The following PTPRN2 variants were observed in gnomAD, a reference collection of about 807,000 sequenced individuals.
PTPRN2 encodes the protein receptor-type tyrosine-protein phosphatase N2.
A neutral mutation model predicts 118.8 loss-of-function variants in PTPRN2; 74 were observed. The observed-to-expected ratio is 0.62, with a 90% CI of 0.52 to 0.76. The LOEUF (loss-of-function observed/expected upper bound fraction) is 0.76. Among genes scored for constraint, PTPRN2 ranks in the 30% least tolerant of loss-of-function variants. The probability of loss-of-function intolerance (pLI) is 0.00; values close to 1 mark genes in which losing one functional copy is unlikely to be tolerated. For synonymous variants in PTPRN2, 641 were observed against 608.0 expected (o/e 1.05, Z -0.80); for missense variants, 1,481 against 1,394.4 (o/e 1.06, Z -0.99).
In PTPRN2 at chr7:158,522,698, C is replaced by T. The variant is rs936508427; in HGVS notation, c.113-32913G>A. ...GAGGGCATCAGCATGGTCTGGAGTC[C>T]GTGAGGCACTCGGACCACCGGAGCC... On this transcript the variant is annotated intron_variant, in intron 1 of 22. Coordinates refer to ENST00000389418, the MANE Select transcript of PTPRN2 (RefSeq NM_002847.5). Among the ~76,000 whole-genome samples the T allele has an allele frequency of 3.9e-5, 6 of 152,114 alleles. No individual in the cohort carries two copies. In the East Asian group the frequency reaches 5.8e-4, roughly 15 times the overall value.
At chr7:157,717,710 C>T (rs914724507) in intron 12 of PTPRN2, among the ~76,000 whole-genome samples, 1 of 152,270 alleles carries the variant, frequency 6.6e-6, no homozygotes, top group East Asian at 1.9e-4. Flanking sequence ...GCTGCAGGAC[C>T]GCTGGCTGGG....
chr7:157,839,772 T>G (rs1050808378), intron 12 of PTPRN2, among the ~76,000 whole-genome samples: 1 of 151,672 alleles, frequency 6.6e-6, no homozygotes, highest in African/African-American at 2.4e-5. Context: ...TGCGTGACTA[T>G]GTAACCATGT....
intron 11 of PTPRN2, among the ~76,000 whole-genome samples, chr7:158,001,624 A>G (rs998780599): frequency 6.6e-6 from 1 of 152,104 alleles, no homozygotes; most frequent in Non-Finnish European, 1.5e-5. Flanking sequence ...CAGGCAGTGT[A>G]GTAGATGGTA....
At chr7:158,166,875 AG>A in intron 6 of PTPRN2, 55 bp downstream of exon 6, 1 of 1,399,972 alleles carries the variant, frequency 7.1e-7, no homozygotes. Flanking sequence ...TGTCACTGGG[AG>A]GGGCTGGACA....
chr7:158,269,102 C>T (rs1239220496), intron 3 of PTPRN2, among the ~76,000 whole-genome samples: 1 of 152,150 alleles, frequency 6.6e-6, no homozygotes, highest in Non-Finnish European at 1.5e-5. Flanking sequence ...GCTCCAAGGC[C>T]CCTCAGGAGT....
intron 2 of PTPRN2, among the ~76,000 whole-genome samples, chr7:158,430,682 C>T (rs1034234181): frequency 5.9e-5 from 9 of 152,212 alleles, no homozygotes; most frequent in African/African-American, 9.7e-5. Flanking sequence ...CTTGTGGGGC[C>T]GACACCGTGT....
chr7:158,503,548 C>A (rs556420970), intron 1 of PTPRN2, among the ~76,000 whole-genome samples: 1 of 152,340 alleles, frequency 6.6e-6, no homozygotes, highest in East Asian at 1.9e-4. Flanking sequence ...GCAGAGCCGG[C>A]ACCACAAGAA....
chr7:158,284,267 T>C (rs1008631634), intron 3 of PTPRN2, among the ~76,000 whole-genome samples: 3 of 152,006 alleles, frequency 2.0e-5, no homozygotes, highest in African/African-American at 7.2e-5. Context: ...TGGGCACTGT[T>C]GTGTGCCAGG....
Position 158,574,697 on chromosome 7 carries a change from T to TA in PTPRN2, c.112+12860dup, listed in dbSNP as rs1563449571. On this transcript the variant is annotated intron_variant, in intron 1 of 22. Coordinates refer to ENST00000389418, the MANE Select transcript of PTPRN2 (RefSeq NM_002847.5). This position sits in a 1 kb window ranked among gnomAD's most constrained non-coding sequence, Gnocchi z 4.6. ...GGGGCCAATACTTCTTTCTTTCTTT[T>TA]AAAGTTTGTTCTGCCATAATTTAGG... 6.6e-6 allele frequency among the ~76,000 whole-genome samples: 1 copy of TA among 152,236 alleles called. No individual in the cohort carries two copies. The highest frequency in any genetic ancestry group is 1.5e-5 in the Non-Finnish European group (1 of 68,050).
chr7:158,063,963 GAC>G (rs1172226391), intron 11 of PTPRN2, among the ~76,000 whole-genome samples: 1 of 152,184 alleles, frequency 6.6e-6, no homozygotes, highest in African/African-American at 2.4e-5. Context: ...CTCAGTGAGA[GAC>G]ACACACTACA....
chr7:158,460,766 C>T (rs1278997435), intron 2 of PTPRN2, among the ~76,000 whole-genome samples: 2 of 152,274 alleles, frequency 1.3e-5, no homozygotes, highest in African/African-American at 2.4e-5. Flanking sequence ...CCTCAACCAT[C>T]GTTCATGATC....
chr7:157,589,562 G>C (rs1308390673), intron 17 of PTPRN2, among the ~76,000 whole-genome samples: 1 of 152,226 alleles, frequency 6.6e-6, no homozygotes, highest in African/African-American at 2.4e-5. Context: ...CTGATATTCA[G>C]CCTCCTCCCT....
intron 1 of PTPRN2, among the ~76,000 whole-genome samples, chr7:158,571,626 G>A (rs1828051809): frequency 6.8e-6 from 1 of 147,976 alleles, no homozygotes; most frequent in African/African-American, 2.5e-5. Flanking sequence ...AGAGGGTCAA[G>A]CAGGGGACTT....
intron 16 of PTPRN2, among the ~76,000 whole-genome samples, chr7:157,595,796 G>A (rs1277670930): frequency 6.6e-6 from 1 of 152,182 alleles, no homozygotes; most frequent in Non-Finnish European, 1.5e-5. Flanking sequence ...ACGAGCACCC[G>A]GCACAGGTAG....
At chr7:157,712,819 C>CAG (rs1197738513) in intron 12 of PTPRN2, among the ~76,000 whole-genome samples, 1 of 150,352 alleles carries the variant, frequency 6.7e-6, no homozygotes, top group Non-Finnish European at 1.5e-5. Context: ...GCGGGTCACA[C>CAG]ACAGAGGCAG....
At chr7:157,871,343 A>G (rs937927724) in intron 12 of PTPRN2, among the ~76,000 whole-genome samples, 1 of 152,154 alleles carries the variant, frequency 6.6e-6, no homozygotes, top group Non-Finnish European at 1.5e-5. Context: ...GGTGATTCTG[A>G]TGCAGGCTGA....
At chr7:157,795,065 C>A (rs1275196818) in intron 12 of PTPRN2, among the ~76,000 whole-genome samples, 1 of 148,468 alleles carries the variant, frequency 6.7e-6, no homozygotes, top group Admixed American at 6.7e-5. Context: ...GTGGGGGTGT[C>A]AAGCTTGAAG....
In PTPRN2 at chr7:158,192,449, C is replaced by T. The variant is rs574738527; in HGVS notation, c.427G>A (p.Gly143Ser). ...AGGGCGTTGGCCAGGGCAGCACCGC[C>T]CTCCCGACTGTACCTCCTCTCGCTG... ...VGSERRYSRE[G>S]GAALANALRR... Residue 143 changes from glycine to serine, a missense_variant, in exon 5 of 23, where the codon GGC becomes AGC. By Grantham distance (56) the Gly-to-Ser change is moderately conservative. Around this residue, in one of 3 missense-constraint regions of PTPRN2, gnomAD observed 1,115 missense variants for 994.2 expected, o/e 1.12. Transcript: ENST00000389418. The T allele has an allele frequency of 1.3e-6, 2 of 1,569,576 alleles. No homozygotes were observed. The highest frequency in any genetic ancestry group is 2.8e-5 in the African/African-American group (2 of 71,816).
In PTPRN2 at chr7:157,621,525, A is replaced by T. The variant is rs749623880; in HGVS notation, c.2197-16T>A. On this transcript the variant is annotated splice_polypyrimidine_tract_variant and intron_variant, in intron 14 of 22. Transcript: ENST00000389418. Reference sequence around the variant, plus strand: ...CCATGTAGGACTGAAAGGGAAACACAGGGTCAGGAGCGCACCTAGGTGGTG... The same window carrying T: ...CCATGTAGGACTGAAAGGGAAACACTGGGTCAGGAGCGCACCTAGGTGGTG... 6.2e-7 allele frequency: 1 copy of T among 1,610,676 alleles called. No homozygotes were observed. Among genetic ancestry groups the T allele is most frequent in the Admixed American group, 1.7e-5 (1 of 60,028 alleles).
Sources: allele counts gnomAD v4.1 joint callset (sites outside exome capture counted in the v4.1 genomes callset), GRCh38; gene constraint gnomAD v4.1.1; regional missense constraint gnomAD v4.1.1; non-coding constraint Gnocchi (gnomAD v3.1); transcripts MANE v1.5; gene names NCBI Gene and HGNC (gene_info 2026-07-23, HGNC 2026-07-21).